The following SIK3 variants were observed in gnomAD, a reference collection of about 807,000 sequenced individuals.
SIK3 encodes SIK family kinase 3, also known as serine/threonine-protein kinase SIK3.
In SIK3, 28 loss-of-function variants were observed where a neutral mutation model predicts 144.2. The observed-to-expected ratio is 0.19, with a 90% CI of 0.14 to 0.27. SIK3 has a LOEUF of 0.27. Ranked by LOEUF, SIK3 falls within the 10% of genes least tolerant of loss-of-function variation. SIK3 has a pLI of 1.00. For missense variants in SIK3, 1,319 were observed against 1,776.0 expected (o/e 0.74, Z 4.62); for synonymous variants, 686 against 676.3 (o/e 1.01, Z -0.22).
chr11:116,870,778 G>C (rs1943928948), intron 13 of SIK3, among the ~76,000 whole-genome samples: 1 of 152,148 alleles, frequency 6.6e-6, no homozygotes, highest in African/African-American at 2.4e-5. Context: ...TAATGGGGGT[G>C]TTTGGGAATT....
intron 1 of SIK3, among the ~76,000 whole-genome samples, chr11:117,041,936 T>C (rs1409389430): frequency 6.6e-6 from 1 of 152,194 alleles, no homozygotes; most frequent in Non-Finnish European, 1.5e-5. Flanking sequence ...TTTCATCTTT[T>C]TCTCTCCAGT....
intron 1 of SIK3, among the ~76,000 whole-genome samples, chr11:116,978,529 G>T (rs1358396572): frequency 1.3e-5 from 2 of 151,500 alleles, no homozygotes; most frequent in African/African-American, 4.8e-5. Context: ...TTTGAGGCAG[G>T]GTCTCACAAT....
intron 1 of SIK3, among the ~76,000 whole-genome samples, chr11:117,012,947 G>A (rs779914187): frequency 2.0e-5 from 3 of 149,266 alleles, no homozygotes; most frequent in Non-Finnish European, 4.4e-5. Flanking sequence ...TGCCTCCCGG[G>A]TTCACACCAT....
At chr11:117,060,249 G>C (rs1953732493) in intron 1 of SIK3, among the ~76,000 whole-genome samples, 1 of 152,164 alleles carries the variant, frequency 6.6e-6, no homozygotes, top group South Asian at 2.1e-4. Flanking sequence ...AATCTGAAAA[G>C]GCTACATGCA....
chr11:116,863,903 T>G, intron 15 of SIK3, 85 bp from the exon 16 acceptor site: 1 of 1,398,716 alleles, frequency 7.1e-7, no homozygotes, highest in South Asian at 1.4e-5. Context: ...CAGATGAACA[T>G]AAAGACGGCT....
chr11:117,049,532 C>T (rs866568518), intron 1 of SIK3, among the ~76,000 whole-genome samples: 1 of 151,820 alleles, frequency 6.6e-6, no homozygotes, highest in African/African-American at 2.4e-5. Flanking sequence ...AAGCCGAGAT[C>T]GCGCCACTGC....
At chr11:116,902,990 T>C (rs1224506640) in intron 4 of SIK3, among the ~76,000 whole-genome samples, 2 of 152,254 alleles carry the variant, frequency 1.3e-5, no homozygotes, top group Non-Finnish European at 2.9e-5. Flanking sequence ...GGCTCTTTAC[T>C]AGTATTTCAC....
rs770676812 is a variant in SIK3 at position 116,858,681 on chromosome 11, G to C, written c.2784C>G (p.Phe928Leu). 1.3e-6 allele frequency: 2 copies of C among 1,542,682 alleles called. No individual in the cohort carries two copies. Among genetic ancestry groups the C allele is most frequent in the Non-Finnish European group, 1.7e-6 (2 of 1,144,100 alleles). The change falls in exon 21 of 25, where the codon TTC (phenylalanine) becomes TTG (leucine). Residue 928 changes from phenylalanine (F) to leucine (L), a missense_variant. Physicochemically the swap from Phe to Leu is conservative, Grantham distance 22. Around this residue, in one of 8 missense-constraint regions of SIK3, gnomAD observed 646 missense variants for 763.7 expected, o/e 0.85. Coordinates refer to ENST00000445177, the MANE Select transcript of SIK3 (RefSeq NM_001366686.3). The surrounding 1 kb of genome is among the most constrained non-coding windows in gnomAD (Gnocchi z 5.4). Reference protein sequence around the residue: ...AEAHSLNVNRFSPANYDQAHL... With the variant: ...AEAHSLNVNRLSPANYDQAHL... ...GCGCCTGGTCGTAGTTAGCAGGGGAGAACCGATTCACGTTCAAGCTGCAGA... is the reference window on the plus strand; with the variant it reads ...GCGCCTGGTCGTAGTTAGCAGGGGACAACCGATTCACGTTCAAGCTGCAGA...
At position 117,038,709 on chromosome 11, in the gene SIK3, C is replaced by T. The variant is rs561134704; in HGVS notation, c.273+59434G>A. Among the ~76,000 whole-genome samples, 850 of 107,108 alleles carry T rather than the reference C, an allele frequency of 7.9e-3. 10 individuals are homozygous for T. The highest frequency in any genetic ancestry group is 0.029 in the African/African-American group (797 of 27,536). The allele number at this position is 107,108 out of a possible 152,430, so 70.3% of individuals were successfully genotyped here. A position where few individuals can be genotyped will look rare whatever the true frequency, so the allele number is the denominator to read the frequency against. The stretch of plus-strand genomic sequence containing the variant: ...CTCTCCTTTTACCTTTGTTAATAAT[C>T]ACTCATTTCTTCCCCACAGATGCAT... On this transcript the variant is annotated intron_variant, in intron 1 of 24. Coordinates refer to ENST00000445177, the MANE Select transcript of SIK3 (RefSeq NM_001366686.3).
chr11:116,862,414 T>A (rs1943394027), intron 16 of SIK3, 87 bp from the exon 17 acceptor site: 1 of 1,568,486 alleles, frequency 6.4e-7, no homozygotes, highest in Non-Finnish European at 8.7e-7. Context: ...GCCTCCAAGC[T>A]CTCATGGGCA....
At chr11:117,050,976 A>G (rs574077017) in intron 1 of SIK3, among the ~76,000 whole-genome samples, 8 of 152,160 alleles carry the variant, frequency 5.3e-5, no homozygotes, top group Non-Finnish European at 1.2e-4. Context: ...AATGGCCCAG[A>G]CAGCTGATAA....
At chr11:116,983,775 C>A (rs1387686365) in intron 1 of SIK3, among the ~76,000 whole-genome samples, 2 of 151,966 alleles carry the variant, frequency 1.3e-5, no homozygotes, top group South Asian at 2.1e-4. Flanking sequence ...TGAACCACAA[C>A]TGAAGAAAAG....
At chr11:116,853,516 C>T (rs888246) in intron 21 of SIK3, among the ~76,000 whole-genome samples, 13,254 of 152,272 alleles carry the variant, frequency 0.087, 724 homozygotes, top group South Asian at 0.14. Flanking sequence ...CCCACCTTCC[C>T]GGGGAACTTT....
intron 4 of SIK3, chr11:116,904,749 A>T (rs1945934439): frequency 6.6e-6 from 1 of 152,594 alleles, no homozygotes; most frequent in Non-Finnish European, 1.5e-5. Context: ...ATTTTAAAAC[A>T]TAGAATAAAA....
chr11:117,093,600 A>C (rs982515180), intron 1 of SIK3, among the ~76,000 whole-genome samples: 2 of 152,294 alleles, frequency 1.3e-5, no homozygotes, highest in African/African-American at 4.8e-5. Context: ...AAACACACTG[A>C]AAATTCAAGG....
intron 1 of SIK3, among the ~76,000 whole-genome samples, chr11:117,085,995 A>G (rs1418427299): frequency 1.3e-5 from 2 of 152,212 alleles, no homozygotes; most frequent in Non-Finnish European, 2.9e-5. Context: ...GCATGAATAT[A>G]TATTTCTGAT....
At chr11:116,987,737 A>G (rs1950369947) in intron 1 of SIK3, among the ~76,000 whole-genome samples, 1 of 152,252 alleles carries the variant, frequency 6.6e-6, no homozygotes, top group African/African-American at 2.4e-5. Flanking sequence ...GGGAGGAGGT[A>G]GTAGTAAACC....
chr11:116,876,516 C>T (rs1944264140), intron 7 of SIK3, among the ~76,000 whole-genome samples, 153 bp from the exon 8 acceptor site: 1 of 152,204 alleles, frequency 6.6e-6, no homozygotes, highest in South Asian at 2.1e-4. Flanking sequence ...GAGTGATCAG[C>T]TGTAAACAGA....
intron 1 of SIK3, among the ~76,000 whole-genome samples, chr11:117,049,014 T>A (rs925461919): frequency 6.6e-6 from 1 of 152,084 alleles, no homozygotes; most frequent in African/African-American, 2.4e-5. Flanking sequence ...GGCAGGAGAA[T>A]TGCTTGAACC....
Sources: allele counts gnomAD v4.1 joint callset (sites outside exome capture counted in the v4.1 genomes callset), GRCh38; gene constraint gnomAD v4.1.1; regional missense constraint gnomAD v4.1.1; non-coding constraint Gnocchi (gnomAD v3.1); transcripts MANE v1.5; gene names NCBI Gene and HGNC (gene_info 2026-07-23, HGNC 2026-07-21).